The following CSMD1 variants were observed in gnomAD, a reference collection of about 807,000 sequenced individuals.
CSMD1 encodes CUB and Sushi multiple domains 1.
A neutral mutation model predicts 417.5 loss-of-function variants in CSMD1; 213 were observed. That is an observed-to-expected ratio of 0.51 (90% CI 0.46 to 0.57). The LOEUF (loss-of-function observed/expected upper bound fraction) is 0.57. Ranked by LOEUF, CSMD1 falls within the 20% of genes least tolerant of loss-of-function variation. The pLI is 0.00. For missense variants in CSMD1, 6,923 were observed against 4,529.7 expected (o/e 1.53, Z -15.17); for synonymous variants, 2,862 against 1,736.8 (o/e 1.65, Z -16.11).
intron 8 of CSMD1, among the ~76,000 whole-genome samples, chr8:3,596,208 C>G (rs543859699): frequency 6.6e-6 from 1 of 152,094 alleles, no homozygotes; most frequent in Admixed American, 6.5e-5. Context: ...CCTGCACCAC[C>G]GCCCCGGCAG....
At chr8:3,552,318 C>T (rs1798951836) in intron 10 of CSMD1, among the ~76,000 whole-genome samples, 1 of 151,812 alleles carries the variant, frequency 6.6e-6, no homozygotes, top group Non-Finnish European at 1.5e-5. Context: ...AAAATAAGGT[C>T]AGCTTATTCT....
At chr8:4,222,064 A>G (rs142738988) in intron 3 of CSMD1, among the ~76,000 whole-genome samples, 9 of 151,614 alleles carry the variant, frequency 5.9e-5, no homozygotes, top group African/African-American at 2.2e-4. Context: ...AAGGCCATCA[A>G]TGACTTAGAA....
At chr8:3,511,200 A>T (rs959378270) in intron 10 of CSMD1, among the ~76,000 whole-genome samples, 13 of 151,794 alleles carry the variant, frequency 8.6e-5, no homozygotes, top group Admixed American at 4.6e-4. Flanking sequence ...AGGGCACAGG[A>T]AGGGGAATAT....
chr8:3,730,447 G>C (rs145037184), intron 6 of CSMD1, among the ~76,000 whole-genome samples: 3 of 146,294 alleles, frequency 2.1e-5, no homozygotes, highest in African/African-American at 7.5e-5. Context: ...GCAGAGCAAA[G>C]ACTGCTGTCT....
Position 3,966,379 on chromosome 8 carries a change from G to C in CSMD1, c.818+31524C>G, listed in dbSNP as rs372211043. Among the ~76,000 whole-genome samples the C allele has an allele frequency of 5.9e-5, 9 of 152,158 alleles. No individual in the cohort carries two copies. The South Asian group carries it at 1.2e-3, about 21-fold the overall frequency. On this transcript the variant is annotated intron_variant, in intron 5 of 69. Coordinates refer to ENST00000635120, the MANE Select transcript of CSMD1 (RefSeq NM_033225.6). ...AAATTTATAAACATCCAAGTCTTGC[G>C]TCTTGAAAACAATTCTGATAAATAT...
At chr8:2,988,082 G>A (rs1202587086) in intron 54 of CSMD1, among the ~76,000 whole-genome samples, 2 of 152,014 alleles carry the variant, frequency 1.3e-5, no homozygotes, top group African/African-American at 2.4e-5. Flanking sequence ...TTTAACATTA[G>A]CTTACATTTC....
At chr8:4,670,464 C>T (rs1183648007) in intron 1 of CSMD1, among the ~76,000 whole-genome samples, 3 of 152,104 alleles carry the variant, frequency 2.0e-5, no homozygotes, top group Non-Finnish European at 2.9e-5. Context: ...GAGCTAGATA[C>T]GTGGTGGTCT....
chr8:3,914,186 A>G (rs1202640350), intron 5 of CSMD1, among the ~76,000 whole-genome samples: 2 of 152,152 alleles, frequency 1.3e-5, no homozygotes, highest in Non-Finnish European at 2.9e-5. Context: ...AAGTACTTTT[A>G]ACCCCCAAAA....
chr8:4,368,816 T>G (rs1181295765), intron 3 of CSMD1, among the ~76,000 whole-genome samples: 1 of 152,168 alleles, frequency 6.6e-6, no homozygotes, highest in African/African-American at 2.4e-5. Flanking sequence ...ATGTCAGCTT[T>G]GTCATTTCTA....
At chr8:4,176,734 G>A (rs949874005) in intron 3 of CSMD1, among the ~76,000 whole-genome samples, 2 of 149,944 alleles carry the variant, frequency 1.3e-5, no homozygotes, top group South Asian at 2.1e-4. Flanking sequence ...GATGGAGGAA[G>A]ATCTACCAAG....
At chr8:4,292,568 C>G (rs1206510930) in intron 3 of CSMD1, among the ~76,000 whole-genome samples, 1 of 152,046 alleles carries the variant, frequency 6.6e-6, no homozygotes, top group Non-Finnish European at 1.5e-5. Context: ...AATTTTTTAA[C>G]TGAATGGAAT....
intron 3 of CSMD1, among the ~76,000 whole-genome samples, chr8:4,279,817 T>TA (rs1796681120): frequency 6.6e-6 from 1 of 152,158 alleles, no homozygotes; most frequent in South Asian, 2.1e-4. Context: ...TTTTTGATGA[T>TA]AAAAAGACTG....
intron 3 of CSMD1, among the ~76,000 whole-genome samples, chr8:4,284,727 G>T (rs1313811285): frequency 1.3e-5 from 2 of 152,094 alleles, no homozygotes; most frequent in Admixed American, 6.5e-5. Context: ...TCCCAGGAGG[G>T]TAACTCCATG....
chr8:4,936,499 A>T (rs1381666372), intron 1 of CSMD1, among the ~76,000 whole-genome samples: 4 of 152,214 alleles, frequency 2.6e-5, no homozygotes, highest in Non-Finnish European at 5.9e-5. Context: ...CACCTTTTCC[A>T]ATTACACTTC....
At chr8:4,706,444 C>T (rs1260537881) in intron 1 of CSMD1, among the ~76,000 whole-genome samples, 3 of 152,242 alleles carry the variant, frequency 2.0e-5, no homozygotes, top group East Asian at 3.9e-4. Flanking sequence ...GACCAATGAG[C>T]TCAGTAATTC....
chr8:3,308,994 G>C (rs1281013877), intron 23 of CSMD1, among the ~76,000 whole-genome samples: 1 of 152,120 alleles, frequency 6.6e-6, no homozygotes, highest in Non-Finnish European at 1.5e-5. Context: ...AAAGTGCTGG[G>C]ATTACAGGCG....
At position 3,307,684 on chromosome 8, in the gene CSMD1, A is replaced by T. The variant is rs1804985946; in HGVS notation, c.3950+11T>A. On this transcript the variant is annotated intron_variant, in intron 25 of 69. Transcript: ENST00000635120. Reference sequence around the variant, plus strand: ...TTTCTCAAATCACTGAAACCAAAATAAAACAAGTACCTAATGGTCTTTCCT... The same window carrying T: ...TTTCTCAAATCACTGAAACCAAAATTAAACAAGTACCTAATGGTCTTTCCT... 1 of 1,611,748 alleles carries T rather than the reference A, an allele frequency of 6.2e-7. No homozygotes were observed. The highest frequency in any genetic ancestry group is 8.5e-7 in the Non-Finnish European group (1 of 1,178,870).
intron 3 of CSMD1, among the ~76,000 whole-genome samples, chr8:4,182,933 T>C (rs907869770): frequency 6.6e-6 from 1 of 152,072 alleles, no homozygotes; most frequent in African/African-American, 2.4e-5. Flanking sequence ...AGAATCTCAA[T>C]TAGCAAATGA....
At chr8:3,275,608 C>A (rs986503876) in intron 26 of CSMD1, among the ~76,000 whole-genome samples, 1 of 152,180 alleles carries the variant, frequency 6.6e-6, no homozygotes, top group African/African-American at 2.4e-5. Context: ...TCCCATATTT[C>A]TTGGAGGCTT....
Sources: gnomAD v4.1 joint callset for allele counts (sites outside exome capture counted in the v4.1 genomes callset) on GRCh38, gnomAD v4.1.1 for gene constraint, MANE v1.5 for transcripts, NCBI Gene and HGNC (gene_info 2026-07-23, HGNC 2026-07-21) for gene names.